Variants in CPAMD8 observed in about 807,000 individuals in gnomAD.
CPAMD8 encodes C3 and PZP like alpha-2-macroglobulin domain containing 8.
In CPAMD8, 146 loss-of-function variants were observed where a neutral mutation model predicts 224.7. The ratio of observed to expected loss-of-function variants is 0.65; its 90% CI spans 0.57 to 0.75. The LOEUF is 0.75. Ranked by LOEUF, CPAMD8 falls within the 30% of genes least tolerant of loss-of-function variation. The pLI, the probability that CPAMD8 is intolerant of heterozygous loss-of-function variation, is 0.00. For missense variants in CPAMD8, 2,301 were observed against 2,537.5 expected (o/e 0.91, Z 2.00); for synonymous variants, 966 against 1,044.6 (o/e 0.92, Z 1.45).
intron 14 of CPAMD8, among the ~76,000 whole-genome samples, chr19:16,980,056 T>C (rs1033637123): frequency 5.9e-5 from 9 of 152,074 alleles, no homozygotes; most frequent in African/African-American, 2.2e-4. Context: ...TATATGTCTA[T>C]AGTGCTCAAG....
chr19:16,898,110 A>C lies in CPAMD8; in HGVS notation c.4849-116T>G. The stretch of plus-strand genomic sequence containing the variant: ...CCAGGACGCGTGAAACACAGAAGAA[A>C]CGTGATCCCATTTTCTTTTTTTCTT... On this transcript the variant is annotated intron_variant, in intron 37 of 41. Transcript: ENST00000443236. This position sits in a 1 kb window ranked among gnomAD's most constrained non-coding sequence, Gnocchi z 4.2. 4.7e-6 allele frequency: 3 copies of C among 642,156 alleles called. No homozygotes were observed. The highest frequency in any genetic ancestry group is 2.7e-6 in the Non-Finnish European group (1 of 375,350). The allele number at this position is 642,156 out of a possible 1,614,324, so 39.8% of individuals were successfully genotyped here.
Position 16,901,451 on chromosome 19 carries a change from C to T in CPAMD8, c.4686-154G>A, listed in dbSNP as rs571816565. ...GCCAACAGCACACACATCCTTGGCT[C>T]GGTCAACTCAGTCAACCTATTTTAC... On this transcript the variant is annotated intron_variant, in intron 35 of 41. Coordinates refer to ENST00000443236, the MANE Select transcript of CPAMD8 (RefSeq NM_015692.5). 5.4e-4 allele frequency among the ~76,000 whole-genome samples: 82 copies of T among 152,348 alleles called. 2 individuals carry two copies. The highest frequency in any genetic ancestry group is 4.5e-3 in the Admixed American group (69 of 15,306).
intron 25 of CPAMD8, among the ~76,000 whole-genome samples, chr19:16,926,840 C>T (rs2144942810): frequency 6.6e-6 from 1 of 152,296 alleles, no homozygotes; most frequent in South Asian, 2.1e-4. Context: ...CCATCTTAGT[C>T]ACTCAGCCCC....
intron 2 of CPAMD8, 50 bp downstream of exon 2, chr19:17,021,980 C>G (rs774234565): frequency 1.3e-6 from 2 of 1,510,304 alleles, no homozygotes; most frequent in South Asian, 2.5e-5. Context: ...GCAAGTGGCT[C>G]CACTTTGCAA....
At chr19:17,024,942 C>G (rs145921452) in intron 1 of CPAMD8, among the ~76,000 whole-genome samples, 164 of 152,368 alleles carry the variant, frequency 1.1e-3, no homozygotes, top group African/African-American at 3.8e-3. Flanking sequence ...ATCCTTTGGG[C>G]TGGGTGAACC....
Position 16,914,678 on chromosome 19 carries a change from C to G in CPAMD8, c.3765G>C (p.Arg1255Ser). 1 of 1,614,052 alleles carries G rather than the reference C, an allele frequency of 6.2e-7. No individual in the cohort carries two copies. The highest frequency in any genetic ancestry group is 8.5e-7 in the Non-Finnish European group (1 of 1,179,964). The change falls in exon 28 of 42, where the codon AGG becomes AGC. Residue 1255 changes from arginine (R) to serine (S), a missense_variant. By Grantham distance (110) the Arg-to-Ser change is moderately radical (BLOSUM62 -1). This residue lies in a region of CPAMD8 where 1,709 missense variants were observed against 1,753.2 expected (regional missense o/e 0.97). Coordinates refer to ENST00000443236, the MANE Select transcript of CPAMD8 (RefSeq NM_015692.5). The part of the protein sequence containing the change: ...QADGSFLAVG[R>S]VLNKDIQGGI... ...TCACCTGGATGTCCTTGTTCAGGAC[C>G]CTGCCCACGGCCAGGAAGGAGCCAT... is the stretch of plus-strand genomic sequence containing the variant.
chr19:16,904,180 C>A, intron 32 of CPAMD8, 46 bp downstream of exon 32: 1 of 864,658 alleles, frequency 1.2e-6, no homozygotes, highest in Non-Finnish European at 1.8e-6. Flanking sequence ...GCAGGGACCC[C>A]ACCCACCCAG....
At chr19:16,914,360 G>A (rs1477581496) in intron 29 of CPAMD8, 64 bp downstream of exon 29, 3 of 1,372,324 alleles carry the variant, frequency 2.2e-6, no homozygotes, top group Admixed American at 1.7e-5. Context: ...CATAAAGGAG[G>A]GAACCTTCCA....
rs748502943 is a variant in CPAMD8 at position 16,893,143 on chromosome 19, C to A, written c.5623G>T (p.Gly1875Cys). Residue 1875 changes from glycine (G) to cysteine (C), a missense_variant, in exon 42 of 42, where the codon GGT (glycine) becomes TGT (cysteine). Gly to Cys is a radical substitution (Grantham distance 159). Around this residue, in one of 4 missense-constraint regions of CPAMD8, gnomAD observed 1,709 missense variants for 1,753.2 expected, o/e 0.97. Transcript: ENST00000443236. Reference protein sequence around the residue: ...SPAFQSGGEEGLWMSNTCTLR With the variant: ...SPAFQSGGEECLWMSNTCTLR Reference sequence around the variant, plus strand: ...GTGCAGGTGTTTGACATCCATAAACCCTCCTCCCCACCACTCTGAAAGGCT... The same window carrying A: ...GTGCAGGTGTTTGACATCCATAAACACTCCTCCCCACCACTCTGAAAGGCT... 2 of 1,558,218 alleles carry A rather than the reference C, an allele frequency of 1.3e-6. No homozygotes were observed. Among genetic ancestry groups the A allele is most frequent in the South Asian group, 2.2e-5 (2 of 89,294 alleles).
intron 14 of CPAMD8, among the ~76,000 whole-genome samples, chr19:16,978,183 A>G (rs1568554593): frequency 6.6e-6 from 1 of 152,092 alleles, no homozygotes; most frequent in Non-Finnish European, 1.5e-5. Context: ...ATGGTAGGGG[A>G]AAGCGGGGAC....
intron 36 of CPAMD8, among the ~76,000 whole-genome samples, chr19:16,900,240 A>G (rs151093237): frequency 9.9e-5 from 15 of 151,856 alleles, no homozygotes; most frequent in Non-Finnish European, 1.8e-4. Flanking sequence ...AGAATACCCC[A>G]TGGCTCCCCA....
chr19:17,004,928 C>G (rs1474975582), intron 7 of CPAMD8, among the ~76,000 whole-genome samples: 1 of 151,166 alleles, frequency 6.6e-6, no homozygotes, highest in East Asian at 1.9e-4. Context: ...GCAAAATCAC[C>G]CCTGGGTGGA....
chr19:16,903,924 G>C, intron 32 of CPAMD8, 67 bp from the exon 33 acceptor site: 1 of 1,497,612 alleles, frequency 6.7e-7, no homozygotes, highest in Non-Finnish European at 9.2e-7. Context: ...CCTGAACCCC[G>C]TCTTGGAAGC....
chr19:16,895,837 C>T (rs1432913467), intron 41 of CPAMD8: 1 of 487,220 alleles, frequency 2.1e-6, no homozygotes, highest in East Asian at 5.4e-5. Context: ...AAATCCGAAA[C>T]ACTGCTGGTC....
At chr19:17,012,956 G>A (rs2056701855) in intron 3 of CPAMD8, among the ~76,000 whole-genome samples, 1 of 151,040 alleles carries the variant, frequency 6.6e-6, no homozygotes. Flanking sequence ...GCTGGGGTGG[G>A]CGGATCACCT....
At chr19:16,989,617 G>A in intron 13 of CPAMD8, 26 bp downstream of exon 13, 1 of 1,610,542 alleles carries the variant, frequency 6.2e-7, no homozygotes, top group Non-Finnish European at 8.5e-7. Context: ...GCATGGCCCA[G>A]GAAGGGTAGC....
chr19:17,000,271 T>C (rs2056267606), intron 10 of CPAMD8, 143 bp downstream of exon 10: 2 of 562,538 alleles, frequency 3.6e-6, no homozygotes, highest in Non-Finnish European at 6.4e-6. Flanking sequence ...CTGGGCAACA[T>C]AGTGAGATCC....
Position 17,011,649 on chromosome 19 carries a change from G to T in CPAMD8, c.376C>A (p.Arg126=), listed in dbSNP as rs766632352. Residue 126 remains arginine, a synonymous_variant, in exon 4 of 42, where the codon CGG becomes AGG. Transcript: ENST00000443236. ...GTCTGGATGAATACAGAAGCGCCCC[G>T]GCCGTCCACGGTCACCGAGGTCTGG... ...HNQTSVTVDG[R]GASVFIQTDK... is the part of the protein sequence containing the mutation. The T allele has an allele frequency of 6.2e-7, 1 of 1,613,980 alleles. No individual in the cohort carries two copies. Among genetic ancestry groups the T allele is most frequent in the South Asian group, 1.1e-5 (1 of 91,090 alleles).
intron 13 of CPAMD8, among the ~76,000 whole-genome samples, chr19:16,988,868 C>A (rs1240790651): frequency 6.6e-6 from 1 of 152,094 alleles, no homozygotes; most frequent in East Asian, 1.9e-4. Context: ...CCGCTCGCAT[C>A]ACTCATATTA....
Sources: gnomAD v4.1 joint callset for allele counts (sites outside exome capture counted in the v4.1 genomes callset) on GRCh38, gnomAD v4.1.1 for gene constraint, gnomAD v4.1.1 regional missense constraint, Gnocchi (gnomAD v3.1) non-coding constraint, MANE v1.5 for transcripts, NCBI Gene and HGNC (gene_info 2026-07-23, HGNC 2026-07-21) for gene names.